The following GEMIN8 variants were observed in gnomAD, a reference collection of about 807,000 sequenced individuals.
The protein encoded by GEMIN8 is gem nuclear organelle associated protein 8.
For missense variants in GEMIN8, 185 were observed against 205.9 expected (o/e 0.90, Z 0.62); for synonymous variants, 80 against 78.5 (o/e 1.02, Z -0.10).
At chrX:14,003,717 G>C (rs1289787113), downstream of GEMIN8, among the ~76,000 whole-genome samples, 1 of 112,234 alleles carries the variant, frequency 8.9e-6, no homozygotes, top group African/African-American at 3.2e-5. Context: ...AAACATACAT[G>C]ATCTAAGGGT....
chrX:14,002,527 G>A (rs902582310), downstream of GEMIN8, among the ~76,000 whole-genome samples: 4 of 110,601 alleles, frequency 3.6e-5, no homozygotes, highest in African/African-American at 6.6e-5. Flanking sequence ...CGCTCTTGTC[G>A]CCCAGGCTGG....
chrX:14,026,893 A>G (rs1187601854), intron 1 of GEMIN8: 3 of 112,623 alleles, frequency 2.7e-5, no homozygotes, highest in Admixed American at 9.4e-5. Context: ...CAATCATTAA[A>G]TAAGTTACTC....
chrX:14,011,368 C>A (rs141875918), intron 4 of GEMIN8, among the ~76,000 whole-genome samples: 1 of 110,695 alleles, frequency 9.0e-6, no homozygotes, highest in East Asian at 2.8e-4. Context: ...ATGGCACTGC[C>A]CAGGCTTTCC....
the GEMIN8 span, among the ~76,000 whole-genome samples, chrX:13,986,836 T>G: frequency 2.7e-5 from 3 of 112,373 alleles, no homozygotes; most frequent in Non-Finnish European, 5.6e-5. Context: ...TTCACTGGGA[T>G]GTACCTTCCA....
chrX:13,994,683 C>T, the GEMIN8 span, among the ~76,000 whole-genome samples: 725 of 111,729 alleles, frequency 6.5e-3, 7 homozygotes, highest in African/African-American at 0.023. Context: ...AAATGTGACC[C>T]TTACATTGTA....
At chrX:14,013,696 A>G (rs1249115447) in intron 4 of GEMIN8, among the ~76,000 whole-genome samples, 1 of 111,203 alleles carries the variant, frequency 9.0e-6, no homozygotes, top group Admixed American at 9.5e-5. Flanking sequence ...ACCAGGAAAC[A>G]CCAGAAGTTG....
At chrX:13,991,447 C>A in the GEMIN8 span, among the ~76,000 whole-genome samples, 38 of 111,760 alleles carry the variant, frequency 3.4e-4, no homozygotes, top group African/African-American at 1.2e-3. Context: ...ATCAGAAGTC[C>A]TGAGTTGGGG....
downstream of GEMIN8, among the ~76,000 whole-genome samples, chrX:14,004,167 G>A (rs1249333547): frequency 8.9e-6 from 1 of 111,762 alleles, no homozygotes; most frequent in Non-Finnish European, 1.9e-5. Flanking sequence ...TAAAGTTATG[G>A]CTAAATGTTA....
the GEMIN8 span, among the ~76,000 whole-genome samples, chrX:13,997,975 C>T: frequency 3.6e-4 from 39 of 107,922 alleles, no homozygotes; most frequent in African/African-American, 1.1e-3. Flanking sequence ...TTAATAGTCA[C>T]GACGTATTTT....
chrX:14,015,877 C>G (rs1923865937), intron 4 of GEMIN8, among the ~76,000 whole-genome samples: 1 of 111,696 alleles, frequency 9.0e-6, no homozygotes, highest in African/African-American at 3.3e-5. Flanking sequence ...AAGCTTTTTC[C>G]AACAGTGTAT....
chrX:13,992,829 G>A, the GEMIN8 span, among the ~76,000 whole-genome samples: 1 of 111,675 alleles, frequency 9.0e-6, no homozygotes, highest in Non-Finnish European at 1.9e-5. Context: ...TCTGGCTTAT[G>A]TTTTAGAATA....
chrX:14,015,448 T>C (rs1300648780), intron 4 of GEMIN8, among the ~76,000 whole-genome samples: 4 of 112,408 alleles, frequency 3.6e-5, no homozygotes, highest in African/African-American at 9.7e-5. Context: ...AAAGCATGCA[T>C]GTTCCCACTG....
At chrX:14,019,684 G>C (rs773661281) in intron 4 of GEMIN8, among the ~76,000 whole-genome samples, 95 of 111,849 alleles carry the variant, frequency 8.5e-4, no homozygotes, top group Non-Finnish European at 1.4e-3. Flanking sequence ...GTGTACCACG[G>C]AACAAGTCAA....
chrX:14,009,578 C>T (rs1300171895), intron 4 of GEMIN8, among the ~76,000 whole-genome samples: 1 of 111,220 alleles, frequency 9.0e-6, no homozygotes, highest in East Asian at 2.8e-4. Flanking sequence ...GGTGAAGAGC[C>T]ACAAGGAAAC....
chrX:14,017,285 T>A (rs1292211846), intron 4 of GEMIN8, among the ~76,000 whole-genome samples: 1 of 111,465 alleles, frequency 9.0e-6, no homozygotes, highest in Non-Finnish European at 1.9e-5. Context: ...TTGCCAGCAA[T>A]AATATGAATA....
chrX:14,014,088 TC>T, intron 4 of GEMIN8: 1 of 747,893 alleles, frequency 1.3e-6, no homozygotes, highest in Non-Finnish European at 1.6e-6. Context: ...AAAACTTTCA[TC>T]CAAGATTATT....
chrX:14,016,218 G>A (rs767084044), intron 4 of GEMIN8, among the ~76,000 whole-genome samples: 37 of 112,034 alleles, frequency 3.3e-4, no homozygotes, highest in African/African-American at 1.1e-3. Context: ...AAGGCTGTAG[G>A]AGCATGACAC....
intron 4 of GEMIN8, among the ~76,000 whole-genome samples, chrX:14,010,862 G>A (rs1923485502): frequency 8.9e-6 from 1 of 112,364 alleles, no homozygotes; most frequent in Non-Finnish European, 1.9e-5. Flanking sequence ...ATATGCAAAT[G>A]AATGGGGGCC....
the GEMIN8 span, among the ~76,000 whole-genome samples, chrX:13,999,149 C>T: frequency 9.0e-5 from 10 of 111,265 alleles, no homozygotes; most frequent in Non-Finnish European, 1.5e-4. Flanking sequence ...GTGCAGAGTT[C>T]CTATACACCC....
Sources: allele counts gnomAD v4.1 joint callset (sites outside exome capture counted in the v4.1 genomes callset), GRCh38; gene constraint gnomAD v4.1.1; transcripts MANE v1.5; gene names NCBI Gene and HGNC (gene_info 2026-07-23, HGNC 2026-07-21).